The following GAB1 variants were observed in gnomAD, a reference collection of about 807,000 sequenced individuals.
GAB1 encodes the protein GRB2 associated binding protein 1, also known as GRB2-associated-binding protein 1.
Under a neutral mutation model 66.5 loss-of-function variants are expected in GAB1, and 19 were observed. The observed-to-expected ratio is 0.29, with a 90% CI of 0.20 to 0.42. GAB1 has a LOEUF of 0.42. Among genes scored for constraint, GAB1 ranks in the 10% least tolerant of loss-of-function variants. GAB1 has a pLI of 1.00. For synonymous variants in GAB1, 294 were observed against 301.4 expected (o/e 0.98, Z 0.25); for missense variants, 732 against 858.5 (o/e 0.85, Z 1.84).
At chr4:143,468,845 C>T (rs942310530) in intron 9 of GAB1, among the ~76,000 whole-genome samples, 186 bp from the exon 10 acceptor site, 1 of 152,060 alleles carries the variant, frequency 6.6e-6, no homozygotes, top group African/African-American at 2.4e-5. Context: ...ATTGCTTGAA[C>T]CCAGGAGGCG....
At chr4:143,368,537 A>G (rs960810646) in intron 1 of GAB1, among the ~76,000 whole-genome samples, 1 of 152,206 alleles carries the variant, frequency 6.6e-6, no homozygotes, top group African/African-American at 2.4e-5. Context: ...TTATAAATAT[A>G]TGCAATTTAA....
intron 2 of GAB1, among the ~76,000 whole-genome samples, chr4:143,428,861 G>A (rs1733500084): frequency 9.5e-6 from 1 of 105,384 alleles, no homozygotes; most frequent in Non-Finnish European, 1.8e-5. Context: ...GGTGGGGGGA[G>A]GGGGGAGGGA....
intron 2 of GAB1, among the ~76,000 whole-genome samples, chr4:143,423,802 A>G (rs1386543279): frequency 1.5e-4 from 7 of 46,460 alleles, no homozygotes; most frequent in East Asian, 7.1e-4. Flanking sequence ...GTATATATAT[A>G]TATATATATA....
At chr4:143,342,479 A>C (rs972806297) in intron 1 of GAB1, among the ~76,000 whole-genome samples, 1 of 152,038 alleles carries the variant, frequency 6.6e-6, no homozygotes, top group Non-Finnish European at 1.5e-5. Flanking sequence ...TAGACTTAAC[A>C]TAAAAATATG....
intron 1 of GAB1, chr4:143,349,176 T>C (rs141032791): frequency 2.8e-5 from 13 of 471,968 alleles, no homozygotes; most frequent in African/African-American, 2.2e-4. Flanking sequence ...CTTCCTAGAT[T>C]AAAATATTCT....
intron 1 of GAB1, among the ~76,000 whole-genome samples, chr4:143,377,978 A>G (rs1730486046): frequency 6.6e-6 from 1 of 152,222 alleles, no homozygotes; most frequent in South Asian, 2.1e-4. Flanking sequence ...AAATGATAGT[A>G]TAGTACACGT....
chr4:143,387,814 C>G (rs1244161421), intron 1 of GAB1, among the ~76,000 whole-genome samples: 1 of 152,180 alleles, frequency 6.6e-6, no homozygotes, highest in Non-Finnish European at 1.5e-5. Flanking sequence ...CTAAGGTCCT[C>G]CCGCTCCTTG....
chr4:143,373,155 G>A (rs1171818841), intron 1 of GAB1, among the ~76,000 whole-genome samples: 1 of 151,978 alleles, frequency 6.6e-6, no homozygotes, highest in Non-Finnish European at 1.5e-5. Context: ...TACAATTTAT[G>A]TACATAAATA....
intron 2 of GAB1, among the ~76,000 whole-genome samples, chr4:143,423,077 A>T (rs1173595828): frequency 6.6e-6 from 1 of 152,154 alleles, no homozygotes; most frequent in Non-Finnish European, 1.5e-5. Flanking sequence ...ACAGAAGTTT[A>T]TTTTTTCAGA....
intron 1 of GAB1, among the ~76,000 whole-genome samples, chr4:143,403,105 T>C (rs1731858689): frequency 6.6e-6 from 1 of 152,258 alleles, no homozygotes; most frequent in Non-Finnish European, 1.5e-5. Context: ...ATATGGGTGA[T>C]TGTATTACTA....
At chr4:143,391,000 A>C (rs1055516216) in intron 1 of GAB1, among the ~76,000 whole-genome samples, 16 of 152,156 alleles carry the variant, frequency 1.1e-4, no homozygotes, top group Admixed American at 3.3e-4. Flanking sequence ...GAATTAAGTC[A>C]CATGGCCGCC....
At chr4:143,409,499 G>A (rs540454565) in intron 1 of GAB1, among the ~76,000 whole-genome samples, 69 of 150,114 alleles carry the variant, frequency 4.6e-4, no homozygotes, top group Admixed American at 3.3e-3. Context: ...ATGAAGTGCT[G>A]TTGCAGATAG....
At chr4:143,339,513 A>G in intron 1 of GAB1, among the ~76,000 whole-genome samples, 1 of 152,248 alleles carries the variant, frequency 6.6e-6, no homozygotes, top group Admixed American at 6.5e-5. Flanking sequence ...TCCGTCTCAA[A>G]AATAGCAACA....
intron 1 of GAB1, among the ~76,000 whole-genome samples, chr4:143,406,142 A>G (rs1194960127): frequency 6.6e-6 from 1 of 152,204 alleles, no homozygotes; most frequent in Non-Finnish European, 1.5e-5. Flanking sequence ...TAGTCTTGTG[A>G]AAACTGGGAT....
intron 1 of GAB1, among the ~76,000 whole-genome samples, chr4:143,412,921 T>C (rs1352616969): frequency 6.6e-6 from 1 of 152,190 alleles, no homozygotes; most frequent in African/African-American, 2.4e-5. Flanking sequence ...TATTTATTAA[T>C]AGTATAGGGG....
At chr4:143,372,118 A>G (rs544794677) in intron 1 of GAB1, among the ~76,000 whole-genome samples, 1 of 152,202 alleles carries the variant, frequency 6.6e-6, no homozygotes, top group South Asian at 2.1e-4. Flanking sequence ...TGAGGTCAGG[A>G]GTTCAAGACC....
chr4:143,423,834 A>ATATG (rs1733176475), intron 2 of GAB1, among the ~76,000 whole-genome samples: 1 of 111,388 alleles, frequency 9.0e-6, no homozygotes, highest in Non-Finnish European at 1.9e-5. Flanking sequence ...ATATATATAT[A>ATATG]TATGTCTTCA....
At chr4:143,377,370 A>C (rs1730465170) in intron 1 of GAB1, among the ~76,000 whole-genome samples, 1 of 152,042 alleles carries the variant, frequency 6.6e-6, no homozygotes, top group African/African-American at 2.4e-5. Flanking sequence ...TGTTTCTTGT[A>C]TCTTAAACTT....
At chr4:143,409,390 C>CCT (rs1220988283) in intron 1 of GAB1, among the ~76,000 whole-genome samples, 1 of 147,914 alleles carries the variant, frequency 6.8e-6, no homozygotes, top group African/African-American at 2.5e-5. Flanking sequence ...GAACTTTCCC[C>CCT]CCCCCCGCTC....
Sources: allele counts gnomAD v4.1 joint callset (sites outside exome capture counted in the v4.1 genomes callset), GRCh38; gene constraint gnomAD v4.1.1; transcripts MANE v1.5; gene names NCBI Gene and HGNC (gene_info 2026-07-23, HGNC 2026-07-21).